TWIST2: variants seen among roughly 807,000 people sequenced by gnomAD.
TWIST2 encodes twist family bHLH transcription factor 2.
TWIST2 carries 1 observed loss-of-function variant against 11.6 expected under a neutral mutation model. The ratio of observed to expected loss-of-function variants is 0.09; its 90% CI spans 0.03 to 0.41. TWIST2 has a LOEUF of 0.41. Among genes scored for constraint, TWIST2 ranks in the 10% least tolerant of loss-of-function variants. The pLI is 0.98. For synonymous variants in TWIST2, 87 were observed against 96.6 expected, an observed-to-expected ratio of 0.90 and a Z score of 0.58; for missense variants, 168 against 226.4, an observed-to-expected ratio of 0.74 and a Z score of 1.66.
At chr2:238,881,586 TGTTAGTATTTATTAGCATTA>T (rs1345142958) in intron 1 of TWIST2, among the ~76,000 whole-genome samples, 5 of 152,066 alleles carry the variant, frequency 3.3e-5, no homozygotes, top group Non-Finnish European at 7.4e-5. Flanking sequence ...TTAGTGTCAG[TGTTAGTATTTATTAGCATTA>T]GTTAGTATTT....
intron 1 of TWIST2, among the ~76,000 whole-genome samples, chr2:238,909,311 G>A (rs1255679140): frequency 6.6e-6 from 1 of 151,994 alleles, no homozygotes; most frequent in Non-Finnish European, 1.5e-5. Context: ...GTCTGCAATT[G>A]TTTTGAAAGC....
At chr2:238,887,791 C>T (rs1054001497) in intron 1 of TWIST2, among the ~76,000 whole-genome samples, 8 of 152,208 alleles carry the variant, frequency 5.3e-5, no homozygotes, top group Non-Finnish European at 8.8e-5. Flanking sequence ...TGAGTCCCTT[C>T]GTGACTGCGT....
chr2:238,860,668 T>C (rs1236524009), intron 1 of TWIST2, among the ~76,000 whole-genome samples: 1 of 152,246 alleles, frequency 6.6e-6, no homozygotes, highest in Admixed American at 6.5e-5. Context: ...CCAGGCGCAG[T>C]GGCTCACGCC....
At chr2:238,880,773 C>T (rs1160244483) in intron 1 of TWIST2, among the ~76,000 whole-genome samples, 1 of 114,094 alleles carries the variant, frequency 8.8e-6, no homozygotes, top group African/African-American at 3.6e-5. Flanking sequence ...GCATTAGTGT[C>T]AGTGTTAGTA....
chr2:238,902,638 GGTGTGTGATGGT>G (rs1693283935), intron 1 of TWIST2, among the ~76,000 whole-genome samples: 1 of 144,334 alleles, frequency 6.9e-6, no homozygotes, highest in African/African-American at 2.6e-5. Context: ...TGTGATATGA[GGTGTGTGATGGT>G]GTGTGTGTGA....
chr2:238,859,690 T>C (rs1692397152), intron 1 of TWIST2, among the ~76,000 whole-genome samples: 1 of 152,062 alleles, frequency 6.6e-6, no homozygotes, highest in South Asian at 2.1e-4. Flanking sequence ...TTTTCAGAGA[T>C]GTTATCCAGT....
chr2:238,883,819 G>T (rs1188723336), intron 1 of TWIST2, among the ~76,000 whole-genome samples: 1 of 152,122 alleles, frequency 6.6e-6, no homozygotes, highest in African/African-American at 2.4e-5. Context: ...TGTTGTTGCT[G>T]GTTTCCCAGC....
At chr2:238,900,679 C>T (rs1693258406) in intron 1 of TWIST2, among the ~76,000 whole-genome samples, 1 of 152,166 alleles carries the variant, frequency 6.6e-6, no homozygotes, top group Non-Finnish European at 1.5e-5. Context: ...CCTGCTCTTT[C>T]CACCAACACT....
rs1693326129 is a variant in TWIST2, at chr2:238,905,160, C to T, written c.*36-4682C>T. On this transcript the variant is annotated intron_variant, in intron 1 of 1. Transcript: ENST00000612363. ...AGCCTTTTCCGTAATGCTTCTGTCC[C>T]TTTGTTAGGCCTTGGGGATATAGAG... 7.9e-5 allele frequency among the ~76,000 whole-genome samples: 12 copies of T among 152,226 alleles called. No homozygotes were observed. The South Asian group carries it at 2.5e-3, about 32-fold the overall frequency.
intron 1 of TWIST2, among the ~76,000 whole-genome samples, chr2:238,860,663 C>T (rs967450626): frequency 4.6e-5 from 7 of 152,210 alleles, no homozygotes; most frequent in Non-Finnish European, 7.3e-5. Flanking sequence ...CCGGGCCAGG[C>T]GCAGTGGCTC....
At chr2:238,906,722 C>A (rs1013604531) in intron 1 of TWIST2, among the ~76,000 whole-genome samples, 1 of 152,190 alleles carries the variant, frequency 6.6e-6, no homozygotes. Context: ...ATCCTCCCCC[C>A]AGTGCCTGGG....
chr2:238,862,048 A>G (rs1251523491), intron 1 of TWIST2, among the ~76,000 whole-genome samples: 4 of 152,248 alleles, frequency 2.6e-5, no homozygotes, highest in Non-Finnish European at 4.4e-5. Context: ...GGACAGTCAC[A>G]GCTGTGGACG....
At chr2:238,908,358 A>T (rs1693391818) in intron 1 of TWIST2, among the ~76,000 whole-genome samples, 4 of 131,536 alleles carry the variant, frequency 3.0e-5, no homozygotes, top group Admixed American at 7.6e-5. Flanking sequence ...ACCACACCCC[A>T]CATACACACA....
chr2:238,897,951 A>G (rs1693224510), intron 1 of TWIST2, among the ~76,000 whole-genome samples: 1 of 152,154 alleles, frequency 6.6e-6, no homozygotes, highest in Non-Finnish European at 1.5e-5. Context: ...ATGCCTGCCC[A>G]TTGGGTGGGT....
At chr2:238,874,109 TTGTC>T (rs1692762391) in intron 1 of TWIST2, among the ~76,000 whole-genome samples, 1 of 152,056 alleles carries the variant, frequency 6.6e-6, no homozygotes, top group East Asian at 1.9e-4. Flanking sequence ...GGGATGGCGA[TTGTC>T]TGTCAATGAT....
At position 238,895,861 on chromosome 2, in the gene TWIST2, A is replaced by G. The variant is rs1381464283; in HGVS notation, c.*36-13981A>G. On this transcript the variant is annotated intron_variant, in intron 1 of 1. Coordinates refer to ENST00000612363, the MANE Select transcript of TWIST2 (RefSeq NM_001271893.4). ...AAGGAGCCGGCCTGGTCCGCTGCAG[A>G]CAAGCTCGCCCTCTCCCCTGGTTTC... Among the ~76,000 whole-genome samples the G allele has an allele frequency of 9.2e-5, 14 of 152,242 alleles. 1 individual carries two copies. Among genetic ancestry groups the G allele is most frequent in the African/African-American group, 3.1e-4 (13 of 41,564 alleles).
intron 1 of TWIST2, among the ~76,000 whole-genome samples, chr2:238,871,173 ACC>A (rs1692688302): frequency 1.4e-4 from 1 of 7,180 alleles, no homozygotes; most frequent in African/African-American, 5.9e-4. Flanking sequence ...CCACACACAC[ACC>A]ACACACCCCA....
rs538082110 is a variant in TWIST2, at chr2:238,891,025, C to T, written c.*36-18817C>T. Among the ~76,000 whole-genome samples the T allele has an allele frequency of 4.1e-4, 62 of 152,334 alleles. 1 individual carries two copies. Among genetic ancestry groups the T allele is most frequent in the African/African-American group, 1.5e-3 (62 of 41,576 alleles). ...CTTTCACTCCTGTTCTCGGATCCCC[C>T]GAGCTTCGGCGTGGTCCAGCTCTCA... is the stretch of plus-strand genomic sequence containing the variant. On this transcript the variant is annotated intron_variant, in intron 1 of 1. Coordinates refer to ENST00000612363, the MANE Select transcript of TWIST2 (RefSeq NM_001271893.4).
chr2:238,894,414 G>A (rs1693182974), intron 1 of TWIST2, among the ~76,000 whole-genome samples: 4 of 152,254 alleles, frequency 2.6e-5, no homozygotes, highest in South Asian at 4.1e-4. Context: ...CACACTCAGC[G>A]GGTCACTGTG....
Sources: gnomAD v4.1 joint callset for allele counts (sites outside exome capture counted in the v4.1 genomes callset) on GRCh38, gnomAD v4.1.1 for gene constraint, MANE v1.5 for transcripts, NCBI Gene and HGNC (gene_info 2026-07-23, HGNC 2026-07-21) for gene names.